Variants in BRD10 observed in about 807,000 individuals in gnomAD.
The protein encoded by BRD10 is bromodomain containing 10, also known as uncharacterized bromodomain-containing protein 10.
At chr9:6,002,640 T>C in the BRD10 span, among the ~76,000 whole-genome samples, 31 of 151,976 alleles carry the variant, frequency 2.0e-4, no homozygotes, top group Non-Finnish European at 3.7e-4. Flanking sequence ...TACTTGTACT[T>C]GGAAACATCT....
the BRD10 span, among the ~76,000 whole-genome samples, chr9:5,895,157 A>G: frequency 6.6e-6 from 1 of 152,232 alleles, no homozygotes; most frequent in Non-Finnish European, 1.5e-5. Flanking sequence ...TCAGATGGCC[A>G]AAGCTTCCAG....
At chr9:5,895,926 A>G in the BRD10 span, among the ~76,000 whole-genome samples, 1 of 152,244 alleles carries the variant, frequency 6.6e-6, no homozygotes, top group South Asian at 2.1e-4. Context: ...GTGTCAAGAT[A>G]TTCAAGTGGA....
At chr9:5,978,427 A>T in the BRD10 span, among the ~76,000 whole-genome samples, 2 of 151,846 alleles carry the variant, frequency 1.3e-5, no homozygotes, top group South Asian at 4.1e-4. Flanking sequence ...TTAAGAAATA[A>T]TAAAATGTAC....
At chr9:6,002,993 T>C in the BRD10 span, among the ~76,000 whole-genome samples, 1 of 152,194 alleles carries the variant, frequency 6.6e-6, no homozygotes, top group African/African-American at 2.4e-5. Flanking sequence ...CAAAGTATGC[T>C]GTACTCTTAC....
At chr9:5,908,831 A>C in the BRD10 span, 2 of 877,378 alleles carry the variant, frequency 2.3e-6, no homozygotes, top group African/African-American at 3.4e-5. Flanking sequence ...ATCTCTAATA[A>C]TAAGTCAGTG....
chr9:5,953,616 C>G, the BRD10 span, among the ~76,000 whole-genome samples: 12 of 152,018 alleles, frequency 7.9e-5, 2 homozygotes, highest in South Asian at 2.5e-3. Context: ...TATCTAGGCA[C>G]TATTACCATC....
chr9:5,992,075 C>T, the BRD10 span, among the ~76,000 whole-genome samples: 1 of 152,162 alleles, frequency 6.6e-6, no homozygotes, highest in Non-Finnish European at 1.5e-5. Flanking sequence ...AAAGACCTTC[C>T]CTAACTTATT....
the BRD10 span, chr9:5,897,751 A>G: frequency 1.9e-6 from 2 of 1,064,196 alleles, no homozygotes; most frequent in African/African-American, 1.6e-5. Flanking sequence ...TTGCCTCATT[A>G]TAACCTTCAG....
At chr9:5,921,689 G>A in the BRD10 span, 1 of 1,613,814 alleles carries the variant, frequency 6.2e-7, no homozygotes, top group East Asian at 2.2e-5. Context: ...CTGTTTAGTT[G>A]GAGTATGAAT....
the BRD10 span, among the ~76,000 whole-genome samples, chr9:5,885,590 C>G: frequency 6.6e-6 from 1 of 152,120 alleles, no homozygotes; most frequent in Non-Finnish European, 1.5e-5. Context: ...TCAGGCTAGT[C>G]TTGAACTCCT....
chr9:5,991,399 C>T, the BRD10 span, among the ~76,000 whole-genome samples: 126,767 of 151,944 alleles, frequency 0.83, 54,754 homozygotes, highest in Non-Finnish European at 0.97. Context: ...CTAGAGTCTA[C>T]TCATATAGTA....
chr9:5,991,469 T>C, the BRD10 span, among the ~76,000 whole-genome samples: 2 of 152,126 alleles, frequency 1.3e-5, no homozygotes, highest in African/African-American at 4.8e-5. Context: ...ACGCCTGTAA[T>C]CCCAACACAC....
chr9:5,945,177 T>C, the BRD10 span, among the ~76,000 whole-genome samples: 13 of 152,136 alleles, frequency 8.5e-5, no homozygotes, highest in African/African-American at 2.9e-4. Context: ...AATTTCAACA[T>C]TGGTGGTTTC....
the BRD10 span, chr9:5,929,050 C>G: frequency 6.5e-7 from 1 of 1,540,232 alleles, no homozygotes; most frequent in Non-Finnish European, 8.9e-7. Flanking sequence ...TTACCTGTTT[C>G]TTTGGAAAGC....
chr9:5,961,963 T>TG, the BRD10 span, among the ~76,000 whole-genome samples: 1 of 151,248 alleles, frequency 6.6e-6, no homozygotes, highest in Non-Finnish European at 1.5e-5. Flanking sequence ...AAGGGTTTTT[T>TG]GTGTCTCTAT....
the BRD10 span, chr9:5,892,627 A>G: frequency 8.4e-7 from 1 of 1,184,354 alleles, no homozygotes; most frequent in Non-Finnish European, 1.2e-6. Flanking sequence ...CCACCAGTAC[A>G]TGCCTGCTCG....
chr9:5,915,641 G>A, the BRD10 span, among the ~76,000 whole-genome samples: 299 of 152,186 alleles, frequency 2.0e-3, no homozygotes, highest in Non-Finnish European at 3.2e-3. Flanking sequence ...AGTTATAAAC[G>A]TACTTGCAGT....
At chr9:5,916,711 T>C in the BRD10 span, among the ~76,000 whole-genome samples, 1 of 152,170 alleles carries the variant, frequency 6.6e-6, no homozygotes, top group Middle Eastern at 3.4e-3. Flanking sequence ...TCTTTTAACT[T>C]AGTATTTTAG....
the BRD10 span, among the ~76,000 whole-genome samples, chr9:5,948,808 A>C: frequency 6.6e-6 from 1 of 152,174 alleles, no homozygotes; most frequent in Non-Finnish European, 1.5e-5. Context: ...AAAAATAATA[A>C]GTGAAATACT....
Sources: gnomAD v4.1 joint callset for allele counts (sites outside exome capture counted in the v4.1 genomes callset) on GRCh38, gnomAD v4.1.1 for gene constraint, MANE v1.5 for transcripts, NCBI Gene and HGNC (gene_info 2026-07-23, HGNC 2026-07-21) for gene names.